Variants in ASPH observed in about 807,000 individuals in gnomAD.
ASPH encodes aspartate beta-hydroxylase.
In ASPH, 100 loss-of-function variants were observed where a neutral mutation model predicts 118.4. The observed-to-expected ratio is 0.84, with a 90% confidence interval of 0.72 to 1.00. The LOEUF (loss-of-function observed/expected upper bound fraction) is 1.00, where lower values mean the gene tolerates loss of function less well. Ranked by LOEUF, ASPH falls within the 50% of genes least tolerant of loss-of-function variation. ASPH has a pLI of 0.00. For missense variants in ASPH, 920 were observed against 919.5 expected (o/e 1.00, Z -0.01); for synonymous variants, 315 against 325.6 (o/e 0.97, Z 0.35).
At chr8:61,570,113 A>G (rs1833011463) in intron 16 of ASPH, among the ~76,000 whole-genome samples, 1 of 152,222 alleles carries the variant, frequency 6.6e-6, no homozygotes, top group Non-Finnish European at 1.5e-5. Flanking sequence ...TTTAATACAG[A>G]TAACCTACTG....
intron 14 of ASPH, among the ~76,000 whole-genome samples, chr8:61,603,749 G>A (rs1844798189): frequency 6.6e-6 from 1 of 152,162 alleles, no homozygotes; most frequent in African/African-American, 2.4e-5. Context: ...TAGGGGGGAA[G>A]TAAATTAATG....
At chr8:61,580,119 G>A (rs560436891) in intron 15 of ASPH, among the ~76,000 whole-genome samples, 75 of 152,156 alleles carry the variant, frequency 4.9e-4, no homozygotes, top group African/African-American at 1.7e-3. Context: ...GCTTTGCAGG[G>A]TACAGTCCCC....
rs769975676 is a variant in ASPH, at chr8:61,646,751, T to C, written c.618A>G (p.Glu206=). 1 of 1,612,686 alleles carries C rather than the reference T, an allele frequency of 6.2e-7. No homozygotes were observed. Among genetic ancestry groups the C allele is most frequent in the Non-Finnish European group, 8.5e-7 (1 of 1,179,256 alleles). The part of the protein sequence containing the change: ...FETLEPEVSH[E]ETEHSYHVEE... ...AAACTTGAAAAAAAAGTGTTCTACC[T>C]TCATGAGATACTTCAGGTTCCAGGG... Residue 206 remains glutamate (E), a splice_region_variant and synonymous_variant, in exon 6 of 25, where the codon GAA becomes GAG. Transcript: ENST00000379454.
chr8:61,552,722 A>C (rs1826445704), intron 20 of ASPH, among the ~76,000 whole-genome samples: 1 of 152,208 alleles, frequency 6.6e-6, no homozygotes, highest in Non-Finnish European at 1.5e-5. Context: ...GTACACACAC[A>C]GACACACACA....
At chr8:61,556,947 C>T (rs1243899289) in intron 18 of ASPH, among the ~76,000 whole-genome samples, 1 of 152,214 alleles carries the variant, frequency 6.6e-6, no homozygotes, top group Non-Finnish European at 1.5e-5. Context: ...GGGGGGCCCA[C>T]ACAACACACA....
chr8:61,504,604 C>G (rs1005869320), intron 24 of ASPH, among the ~76,000 whole-genome samples: 1 of 152,178 alleles, frequency 6.6e-6, no homozygotes. Context: ...CTGGATCATT[C>G]TCTGTTGTAG....
At chr8:61,704,023 G>A (rs1406403090) in intron 1 of ASPH, among the ~76,000 whole-genome samples, 2 of 151,216 alleles carry the variant, frequency 1.3e-5, no homozygotes, top group South Asian at 2.1e-4. Flanking sequence ...GTGAAACCCC[G>A]TCTCTACTAA....
intron 1 of ASPH, among the ~76,000 whole-genome samples, chr8:61,711,861 T>C (rs1412457286): frequency 6.6e-6 from 1 of 150,834 alleles, no homozygotes; most frequent in Non-Finnish European, 1.5e-5. Context: ...TCAAATAGTG[T>C]TTCAAATAGA....
intron 1 of ASPH, among the ~76,000 whole-genome samples, chr8:61,689,178 A>G (rs1321641447): frequency 6.6e-6 from 1 of 152,178 alleles, no homozygotes; most frequent in Non-Finnish European, 1.5e-5. Context: ...TTAAAATCAA[A>G]ATAAAACCCT....
intron 1 of ASPH, among the ~76,000 whole-genome samples, chr8:61,709,695 TG>T (rs1837610630): frequency 6.6e-6 from 1 of 152,232 alleles, no homozygotes; most frequent in Non-Finnish European, 1.5e-5. Flanking sequence ...AGAGGTGATA[TG>T]GAAGTATCCA....
chr8:61,665,507 TC>T, intron 3 of ASPH: 1 of 1,565,608 alleles, frequency 6.4e-7, no homozygotes, highest in Non-Finnish European at 8.7e-7. Flanking sequence ...CTTTCGGACA[TC>T]CTCTTTCTTC....
At chr8:61,649,271 T>G (rs1217027909) in intron 5 of ASPH, among the ~76,000 whole-genome samples, 3 of 152,054 alleles carry the variant, frequency 2.0e-5, no homozygotes, top group Non-Finnish European at 4.4e-5. Context: ...AAGAAAACTC[T>G]CGAGTTTTCA....
intron 21 of ASPH, among the ~76,000 whole-genome samples, chr8:61,532,766 AT>A (rs1356005012): frequency 6.6e-6 from 1 of 152,174 alleles, no homozygotes; most frequent in African/African-American, 2.4e-5. Flanking sequence ...GGGGTATAAA[AT>A]TTGGAGCCAG....
At chr8:61,577,823 T>C (rs2132211501) in intron 15 of ASPH, among the ~76,000 whole-genome samples, 1 of 152,314 alleles carries the variant, frequency 6.6e-6, no homozygotes, top group African/African-American at 2.4e-5. Context: ...GGTGTCTCTC[T>C]AGGCACATGG....
chr8:61,543,058 G>C (rs1469040101), intron 21 of ASPH, among the ~76,000 whole-genome samples: 1 of 152,186 alleles, frequency 6.6e-6, no homozygotes, highest in Non-Finnish European at 1.5e-5. Context: ...TAAAATGAAA[G>C]TGAAAATAAA....
Position 61,644,596 on chromosome 8 carries a change from TC to T in ASPH, c.652+3del, listed in dbSNP as rs1242826866. 5.7e-6 allele frequency: 9 copies of T among 1,576,958 alleles called. No individual in the cohort carries two copies. The East Asian group carries it at 1.1e-4, about 20-fold the overall frequency. ...TTAAGAACAGAATTAAATTAAAATC[TC>T]ACCTGTCTCTTCCACGTGGTAACTA... On this transcript the variant is annotated splice_donor_region_variant and intron_variant, in intron 7 of 24. Coordinates refer to ENST00000379454, the MANE Select transcript of ASPH (RefSeq NM_004318.4).
At position 61,714,323 on chromosome 8, in the gene ASPH, CGCT is replaced by C. The variant is rs961153510; in HGVS notation, c.46_48del (p.Ser16del). On this transcript the variant is annotated inframe_deletion, in exon 1 of 25. Transcript: ENST00000379454. ...GCACTCGTGCTACCGCTGCCGGAGC[CGCT>C]GCTGCTGCTGTTGCCGCTGCTCTTG... 35 of 1,519,142 alleles carry C rather than the reference CGCT, an allele frequency of 2.3e-5. No individual in the cohort carries two copies. The highest frequency in any genetic ancestry group is 2.0e-4 in the Middle Eastern group (1 of 4,980). The allele number at this position is 1,519,142 out of a possible 1,614,324, so 94.1% of individuals were successfully genotyped here.
chr8:61,578,912 G>A (rs1836356847), intron 15 of ASPH: 1 of 1,611,990 alleles, frequency 6.2e-7, no homozygotes, highest in East Asian at 2.2e-5. Context: ...ACGAAAAGGA[G>A]ATCCGGGAGC....
intron 3 of ASPH, chr8:61,656,882 GAGAA>G (rs529378795): frequency 9.7e-4 from 148 of 152,224 alleles, no homozygotes; most frequent in Middle Eastern, 3.4e-3. Flanking sequence ...TGCCCATAAT[GAGAA>G]AGAATCAATA....
Sources: allele counts gnomAD v4.1 joint callset (sites outside exome capture counted in the v4.1 genomes callset), GRCh38; gene constraint gnomAD v4.1.1; transcripts MANE v1.5; gene names NCBI Gene and HGNC (gene_info 2026-07-23, HGNC 2026-07-21).